The following DLEC1 variants were observed in gnomAD, a reference collection of about 807,000 sequenced individuals.
The protein encoded by DLEC1 is DLEC1 cilia and flagella associated protein, also known as deleted in lung and esophageal cancer protein 1.
A neutral mutation model predicts 198.1 loss-of-function variants in DLEC1; 146 were observed. That is an observed-to-expected ratio of 0.74 (90% CI 0.64 to 0.85). The LOEUF (loss-of-function observed/expected upper bound fraction) is 0.85, where lower values mean the gene tolerates loss of function less well. Ranked by LOEUF, DLEC1 falls within the 40% of genes least tolerant of loss-of-function variation. DLEC1 has a pLI of 0.00. For synonymous variants in DLEC1, 897 were observed against 866.8 expected (o/e 1.03, Z -0.61); for missense variants, 2,233 against 2,220.0 (o/e 1.01, Z -0.12).
chr3:38,043,419 C>T (rs1174522810), intron 1 of DLEC1, among the ~76,000 whole-genome samples: 1 of 152,052 alleles, frequency 6.6e-6, no homozygotes, highest in African/African-American at 2.4e-5. Context: ...GTCAGCAGAC[C>T]CAAATAGTAA....
At chr3:38,084,285 ATAGTAGTGGTGG>A in intron 7 of DLEC1, 40 bp downstream of exon 7, 1 of 1,550,298 alleles carries the variant, frequency 6.5e-7, no homozygotes, top group Non-Finnish European at 8.9e-7. Context: ...AGTAGTGGTA[ATAGTAGTGGTGG>A]TATTAGTAGT....
chr3:38,111,408 C>T (rs1270315603), intron 23 of DLEC1, among the ~76,000 whole-genome samples: 1 of 152,202 alleles, frequency 6.6e-6, no homozygotes, highest in East Asian at 1.9e-4. Context: ...AGTCCTGCTT[C>T]AGAGCCCGCC....
rs1483636032 is a variant in DLEC1 at position 38,096,694 on chromosome 3, C to T, written c.2297C>T (p.Pro766Leu). Residue 766 changes from proline (P) to leucine (L), a missense_variant, in exon 15 of 37, where the codon CCA (proline) becomes CTA (leucine). Coordinates refer to ENST00000308059, the MANE Select transcript of DLEC1 (RefSeq NM_007335.4). ...VLLEPYALII[P>L]GENYIGINVK... is the part of the protein sequence containing the mutation. ...TTAGAGCCATATGCCCTCATCATCCCAGGGGAGAACTACATTGGGATAAAT... is the reference window on the plus strand; with the variant it reads ...TTAGAGCCATATGCCCTCATCATCCTAGGGGAGAACTACATTGGGATAAAT... 5.6e-6 allele frequency: 9 copies of T among 1,612,870 alleles called. No homozygotes were observed. The highest frequency in any genetic ancestry group is 7.6e-6 in the Non-Finnish European group (9 of 1,179,726).
intron 19 of DLEC1, chr3:38,103,336 G>A (rs956590700): frequency 1.3e-5 from 2 of 152,272 alleles, no homozygotes; most frequent in African/African-American, 4.8e-5. Context: ...CTTCAGCAGT[G>A]CTTTGCTCAG....
Position 38,112,147 on chromosome 3 carries a change from G to A in DLEC1, c.3515-63G>A. The A allele has an allele frequency of 6.2e-7, 1 of 1,606,080 alleles. No homozygotes were observed. The highest frequency in any genetic ancestry group is 8.5e-7 in the Non-Finnish European group (1 of 1,175,064). On this transcript the variant is annotated intron_variant, in intron 24 of 36. Coordinates refer to ENST00000308059, the MANE Select transcript of DLEC1 (RefSeq NM_007335.4). The surrounding 1 kb of genome is among the most constrained non-coding windows in gnomAD (Gnocchi z 4.8). The stretch of plus-strand genomic sequence containing the variant: ...GGGACAGTGCTTTGCTCACACACGA[G>A]GGTTTGGACCTCACTCCCAACCCCA...
intron 19 of DLEC1, among the ~76,000 whole-genome samples, chr3:38,105,508 T>C (rs987582029): frequency 4.6e-5 from 7 of 152,192 alleles, no homozygotes; most frequent in Non-Finnish European, 1.0e-4. Context: ...CTTTTTATAA[T>C]TATAAAATAT....
chr3:38,081,599 G>A (rs1390428960), intron 6 of DLEC1, among the ~76,000 whole-genome samples: 5 of 105,210 alleles, frequency 4.8e-5, no homozygotes, highest in South Asian at 2.8e-4. Flanking sequence ...CGGACGGGGC[G>A]GCTGGCCGGG....
chr3:38,112,485 T>G lies in DLEC1; in HGVS notation c.3666+124T>G. The G allele has an allele frequency of 7.1e-7, 1 of 1,404,290 alleles. No homozygotes were observed. Among genetic ancestry groups the G allele is most frequent in the Non-Finnish European group, 9.7e-7 (1 of 1,027,098 alleles). 87.0% of individuals were successfully genotyped at this position (1,404,290 alleles called of 1,614,324 possible). On this transcript the variant is annotated intron_variant, in intron 25 of 36. Transcript: ENST00000308059. This position sits in a 1 kb window ranked among gnomAD's most constrained non-coding sequence, Gnocchi z 4.8. Reference sequence around the variant, plus strand: ...CAAACCTCACCAGGTTGAAACGCGATGCCCACCGAGCTTGGGATGGGCATT... The same window carrying G: ...CAAACCTCACCAGGTTGAAACGCGAGGCCCACCGAGCTTGGGATGGGCATT...
At chr3:38,048,531 C>T (rs573065822) in intron 2 of DLEC1, among the ~76,000 whole-genome samples, 6 of 152,328 alleles carry the variant, frequency 3.9e-5, no homozygotes, top group Middle Eastern at 6.8e-3. Flanking sequence ...TAAATCCTCC[C>T]GACAACCCTG....
Position 38,117,536 on chromosome 3 carries a change from G to A in DLEC1, c.4410G>A (p.Val1470=), listed in dbSNP as rs1487850341. 1 of 1,614,170 alleles carries A rather than the reference G, an allele frequency of 6.2e-7. No individual in the cohort carries two copies. Among genetic ancestry groups the A allele is most frequent in the Admixed American group, 1.7e-5 (1 of 60,026 alleles). The change falls in exon 32 of 37, where the codon GTG becomes GTA. Residue 1470 remains valine (V), a synonymous_variant. Coordinates refer to ENST00000308059, the MANE Select transcript of DLEC1 (RefSeq NM_007335.4). ...HSYVRPAQLS[V]ELDYGGSMEF... ...GCCTATTGCTGGGCAGGCTAAGTGT[G>A]GAGCTGGACTACGGCGGCAGTATGG...
At chr3:38,084,380 G>GGTAGTAGTGGTAGTA in intron 7 of DLEC1, 135 bp downstream of exon 7, 1 of 515,094 alleles carries the variant, frequency 1.9e-6, no homozygotes, top group Non-Finnish European at 3.0e-6. Context: ...TAGTGATGGT[G>GGTAGTAGTGGTAGTA]GTAGTAGTGG....
rs762650279 is a variant in DLEC1 at position 38,116,825 on chromosome 3, T to C, written c.4115T>C (p.Val1372Ala). 9.9e-6 allele frequency: 16 copies of C among 1,613,746 alleles called. No individual in the cohort carries two copies. Among genetic ancestry groups the C allele is most frequent in the Non-Finnish European group, 1.2e-5 (14 of 1,179,900 alleles). ...AGGGTGGCACAGAAGCTCATCTCAG[T>C]CATCCTGCAGGCACATGAGGGGGTG... ...SNRVAQKLIS[V>A]ILQAHEGVPS... Residue 1372 changes from valine (V) to alanine (A), a missense_variant, in exon 29 of 37, where the codon GTC becomes GCC. Physicochemically the swap from Val to Ala is moderately conservative, Grantham distance 64. Coordinates refer to ENST00000308059, the MANE Select transcript of DLEC1 (RefSeq NM_007335.4).
chr3:38,066,704 T>G (rs1697047638), intron 6 of DLEC1, among the ~76,000 whole-genome samples: 2 of 152,260 alleles, frequency 1.3e-5, no homozygotes, highest in African/African-American at 4.8e-5. Context: ...TCCCTTCACA[T>G]GCACATGGAT....
chr3:38,041,586 C>T (rs1359000983), intron 1 of DLEC1, among the ~76,000 whole-genome samples: 4 of 151,486 alleles, frequency 2.6e-5, no homozygotes, highest in East Asian at 1.9e-4. Context: ...TGGTGGCTCA[C>T]GCCTATAATC....
At chr3:38,092,727 G>A (rs1662402067) in intron 10 of DLEC1, 63 bp from the exon 11 acceptor site, 3 of 1,423,742 alleles carry the variant, frequency 2.1e-6, no homozygotes, top group African/African-American at 1.4e-5. Flanking sequence ...GGAGGAGGGT[G>A]GGAGGCGGGG....
At position 38,112,500 on chromosome 3, in the gene DLEC1, G is replaced by A; in HGVS notation, c.3666+139G>A. ...TGAAACGCGATGCCCACCGAGCTTG[G>A]GATGGGCATTCGTGTCTGAGGCAGC... is the stretch of plus-strand genomic sequence containing the variant. On this transcript the variant is annotated intron_variant, in intron 25 of 36. Coordinates refer to ENST00000308059, the MANE Select transcript of DLEC1 (RefSeq NM_007335.4). The surrounding 1 kb of genome is among the most constrained non-coding windows in gnomAD (Gnocchi z 4.8). 2 of 1,299,414 alleles carry A rather than the reference G, an allele frequency of 1.5e-6. No homozygotes were observed. Among genetic ancestry groups the A allele is most frequent in the Non-Finnish European group, 2.1e-6 (2 of 942,110 alleles). 80.5% of individuals were successfully genotyped at this position (1,299,414 alleles called of 1,614,324 possible).
chr3:38,111,458 C>T (rs78949124), intron 23 of DLEC1, among the ~76,000 whole-genome samples: 3,518 of 152,206 alleles, frequency 0.023, 137 homozygotes, highest in African/African-American at 0.079. Context: ...TGGCGGGTGG[C>T]CCGCAGCTGG....
intron 6 of DLEC1, among the ~76,000 whole-genome samples, chr3:38,083,655 C>T (rs1038068149): frequency 2.6e-5 from 4 of 152,216 alleles, no homozygotes; most frequent in Non-Finnish European, 5.9e-5. Context: ...TCTTCAGTTA[C>T]TTCAGGCCAT....
chr3:38,101,812 A>G (rs1179746282), intron 19 of DLEC1, among the ~76,000 whole-genome samples: 3 of 152,154 alleles, frequency 2.0e-5, no homozygotes, highest in Admixed American at 2.0e-4. Context: ...CTTCAGGGCA[A>G]TTTGCGGGCA....
Sources: allele counts gnomAD v4.1 joint callset (sites outside exome capture counted in the v4.1 genomes callset), GRCh38; gene constraint gnomAD v4.1.1; non-coding constraint Gnocchi (gnomAD v3.1); transcripts MANE v1.5; gene names NCBI Gene and HGNC (gene_info 2026-07-23, HGNC 2026-07-21).